The following DET1 variants were observed in gnomAD, a reference collection of about 807,000 sequenced individuals.
DET1 encodes the protein DET1 homolog.
DET1 carries 22 observed loss-of-function variants against 43.7 expected under a neutral mutation model. That is an observed-to-expected ratio of 0.50 (90% CI 0.36 to 0.72). DET1 has a LOEUF of 0.72. Ranked by LOEUF, DET1 falls within the 30% of genes least tolerant of loss-of-function variation. The pLI is 0.00. For missense variants in DET1, 713 were observed against 713.3 expected (o/e 1.00, Z 0.00); for synonymous variants, 315 against 266.2 (o/e 1.18, Z -1.79).
chr15:88,535,088 A>G (rs1208701273), intron 1 of DET1, among the ~76,000 whole-genome samples: 1 of 152,240 alleles, frequency 6.6e-6, no homozygotes, highest in African/African-American at 2.4e-5. Context: ...ACAAAGTCTC[A>G]GCTAAGAAAC....
At chr15:88,524,009 G>A (rs1051034775) in intron 3 of DET1, among the ~76,000 whole-genome samples, 16 of 151,178 alleles carry the variant, frequency 1.1e-4, no homozygotes, top group Admixed American at 5.3e-4. Flanking sequence ...CCTCTTCCCA[G>A]CCGCCATCAC....
chr15:88,508,157 G>T (rs1353174481), downstream of DET1, among the ~76,000 whole-genome samples: 2 of 152,204 alleles, frequency 1.3e-5, no homozygotes, highest in Admixed American at 1.3e-4. Flanking sequence ...GGCTCCCACT[G>T]ATTCTACATT....
chr15:88,535,041 A>T (rs8025478), intron 1 of DET1, among the ~76,000 whole-genome samples: 145 of 152,348 alleles, frequency 9.5e-4, no homozygotes, highest in African/African-American at 3.4e-3. Context: ...AAAATGTTCC[A>T]ATAAGTAATC....
intron 1 of DET1, among the ~76,000 whole-genome samples, chr15:88,536,584 C>A (rs1173103893): frequency 3.3e-5 from 5 of 151,794 alleles, no homozygotes; most frequent in Non-Finnish European, 5.9e-5. Flanking sequence ...TCGAGACCAG[C>A]CTGGCCAACA....
chr15:88,516,656 G>A lies in DET1; in HGVS notation c.1463+126C>T, dbSNP rs2056352125. 7.7e-6 allele frequency: 6 copies of A among 780,938 alleles called. No individual in the cohort carries two copies. The South Asian group carries it at 7.8e-5, about 10-fold the overall frequency. 48.4% of individuals were successfully genotyped at this position (780,938 alleles called of 1,614,324 possible). On this transcript the variant is annotated intron_variant, in intron 4 of 4. Transcript: ENST00000268148. The surrounding 1 kb of genome is among the most constrained non-coding windows in gnomAD (Gnocchi z 4.4). The stretch of plus-strand genomic sequence containing the variant: ...TCTCACTGCATTATAGAAATAGCCT[G>A]CCTTTTCAACCTTACCCATGAGTAC...
chr15:88,529,853 CAT>C (rs2056765780), intron 2 of DET1, among the ~76,000 whole-genome samples: 1 of 152,194 alleles, frequency 6.6e-6, no homozygotes, highest in Non-Finnish European at 1.5e-5. Context: ...TTAATTTCAA[CAT>C]AGTTTTTCAA....
At position 88,512,867 on chromosome 15, in the gene DET1, T is replaced by C; in HGVS notation, c.*84A>G. The C allele has an allele frequency of 6.5e-7, 1 of 1,548,478 alleles. No individual in the cohort carries two copies. The highest frequency in any genetic ancestry group is 2.3e-5 in the East Asian group (1 of 44,112). On this transcript the variant is annotated 3_prime_UTR_variant, in exon 5 of 5. Coordinates refer to ENST00000268148, the MANE Select transcript of DET1 (RefSeq NM_001144074.3). Reference sequence around the variant, plus strand: ...AGGCTGGAACTAACAGAGCTAGTAGTCGGGAGCTTTTGCTTTGGAGTCCAC... The same window carrying C: ...AGGCTGGAACTAACAGAGCTAGTAGCCGGGAGCTTTTGCTTTGGAGTCCAC...
intron 1 of DET1, among the ~76,000 whole-genome samples, chr15:88,532,524 A>G (rs1231180883): frequency 3.9e-5 from 6 of 152,206 alleles, no homozygotes; most frequent in Non-Finnish European, 8.8e-5. Context: ...AAAAAGAACA[A>G]AGAGGATTCA....
Position 88,527,628 on chromosome 15 carries a change from G to T in DET1, c.1242C>A (p.Ser414Arg). Residue 414 changes from serine to arginine, a missense_variant, in exon 3 of 5, where the codon AGC becomes AGA. Transcript: ENST00000268148. ...SEVQFPCSAS[S>R]NNFARQIQRR... The stretch of plus-strand genomic sequence containing the variant: ...GCTGGATCTGCCTTGCAAAATTGTT[G>T]CTAGAAGCTGAGCAGGGAAACTGAA... 1.2e-6 allele frequency: 2 copies of T among 1,610,164 alleles called. No individual in the cohort carries two copies. Among genetic ancestry groups the T allele is most frequent in the South Asian group, 1.1e-5 (1 of 90,536 alleles).
rs1333932722 is a variant in DET1 at position 88,531,400 on chromosome 15, T to C, written c.306A>G (p.Gly102=). The change falls in exon 2 of 5, where the codon GGA becomes GGG. Residue 102 remains glycine, a synonymous_variant. Transcript: ENST00000268148. The surrounding 1 kb of genome is among the most constrained non-coding windows in gnomAD (Gnocchi z 6.2). ...GGTCATTGCCATTGGACAGGATTTC[T>C]CCTTCGTATCCCTGCAGTAGGTCCT... ...AAEDLLQGYE[G]EILSNGNDQR... 1.9e-6 allele frequency: 3 copies of C among 1,614,060 alleles called. No individual in the cohort carries two copies. The highest frequency in any genetic ancestry group is 2.5e-6 in the Non-Finnish European group (3 of 1,179,900).
At chr15:88,509,160 G>GT (rs1338142902), downstream of DET1, among the ~76,000 whole-genome samples, 3 of 152,172 alleles carry the variant, frequency 2.0e-5, no homozygotes, top group Non-Finnish European at 4.4e-5. Context: ...TACTGGAGGA[G>GT]TTTTTTAATG....
downstream of DET1, among the ~76,000 whole-genome samples, chr15:88,510,490 C>A (rs189144801): frequency 4.7e-4 from 71 of 152,290 alleles, no homozygotes; most frequent in Admixed American, 1.4e-3. Flanking sequence ...TTCAGCCCCA[C>A]GAACATGTAA....
At chr15:88,523,901 T>C (rs1385195948) in intron 3 of DET1, among the ~76,000 whole-genome samples, 1 of 139,720 alleles carries the variant, frequency 7.2e-6, no homozygotes, top group African/African-American at 2.7e-5. Flanking sequence ...TGGCCGCCCA[T>C]CGTCTGGGAT....
At chr15:88,503,994 T>A (rs55732922) in intron 7 of DET1, 103,972 of 149,752 alleles carry the variant, frequency 0.69, 36,093 homozygotes, top group South Asian at 0.84. Context: ...GACCCTGTCT[T>A]AAAAAAAAAA....
intron 1 of DET1, among the ~76,000 whole-genome samples, chr15:88,543,628 A>G (rs973042680): frequency 1.3e-5 from 2 of 152,200 alleles, no homozygotes; most frequent in Non-Finnish European, 2.9e-5. Flanking sequence ...TACCACGGAG[A>G]CAGATGTGTT....
At chr15:88,510,866 C>T (rs568864595), downstream of DET1, among the ~76,000 whole-genome samples, 6 of 151,646 alleles carry the variant, frequency 4.0e-5, no homozygotes, top group Non-Finnish European at 7.4e-5. Context: ...CCCCACCTCC[C>T]GGGTTCACGC....
chr15:88,520,424 T>A (rs1158387229), intron 3 of DET1, among the ~76,000 whole-genome samples: 1 of 152,172 alleles, frequency 6.6e-6, no homozygotes, highest in Admixed American at 6.5e-5. Flanking sequence ...CATTGCTAAC[T>A]CCAATAAGTT....
At chr15:88,521,212 T>C (rs2056481848) in intron 3 of DET1, among the ~76,000 whole-genome samples, 1 of 152,222 alleles carries the variant, frequency 6.6e-6, no homozygotes, top group Non-Finnish European at 1.5e-5. Flanking sequence ...GGCCTTTAGA[T>C]ATGCTATTCC....
At chr15:88,543,609 T>C (rs1399744474) in intron 1 of DET1, among the ~76,000 whole-genome samples, 5 of 152,194 alleles carry the variant, frequency 3.3e-5, no homozygotes, top group Non-Finnish European at 7.4e-5. Context: ...GAAAGGCCGG[T>C]GCAGCTGTTA....
Sources: allele counts gnomAD v4.1 joint callset (sites outside exome capture counted in the v4.1 genomes callset), GRCh38; gene constraint gnomAD v4.1.1; non-coding constraint Gnocchi (gnomAD v3.1); transcripts MANE v1.5; gene names NCBI Gene and HGNC (gene_info 2026-07-23, HGNC 2026-07-21).